The following AGMO variants were observed in gnomAD, a reference collection of about 807,000 sequenced individuals.
The protein encoded by AGMO is alkylglycerol monooxygenase.
A neutral mutation model predicts 60.2 loss-of-function variants in AGMO; 75 were observed. The ratio of observed to expected loss-of-function variants is 1.25; its 90% CI spans 1.03 to 1.51. The LOEUF (loss-of-function observed/expected upper bound fraction) is 1.51. Ranked by LOEUF, AGMO falls within the 40% of genes most tolerant of loss-of-function variation. AGMO has a pLI of 0.00. For synonymous variants in AGMO, 261 were observed against 177.1 expected (o/e 1.47, Z -3.76); for missense variants, 763 against 525.5 (o/e 1.45, Z -4.42).
chr7:15,558,234 T>TA (rs986626819), intron 2 of AGMO, among the ~76,000 whole-genome samples: 47 of 147,000 alleles, frequency 3.2e-4, no homozygotes, highest in East Asian at 5.9e-4. Context: ...CTTTAAAAGG[T>TA]AAAAAAAAAA....
intron 12 of AGMO, among the ~76,000 whole-genome samples, chr7:15,280,477 G>A (rs1354156664): frequency 6.6e-6 from 1 of 152,180 alleles, no homozygotes; most frequent in Non-Finnish European, 1.5e-5. Flanking sequence ...AGGCCTGCCT[G>A]ACCCAGCCCC....
chr7:15,501,995 A>G (rs778239033), intron 3 of AGMO, among the ~76,000 whole-genome samples: 30 of 152,044 alleles, frequency 2.0e-4, no homozygotes, highest in Non-Finnish European at 2.9e-4. Flanking sequence ...GGAAAGAACA[A>G]TTTGGAGGCA....
intron 12 of AGMO, among the ~76,000 whole-genome samples, chr7:15,287,486 AAT>A (rs1480446903): frequency 6.6e-6 from 1 of 152,230 alleles, no homozygotes; most frequent in East Asian, 1.9e-4. Context: ...TGTGAAAATC[AAT>A]AGTTTTGTTC....
At chr7:15,533,115 A>G (rs962254412) in intron 3 of AGMO, among the ~76,000 whole-genome samples, 1 of 152,098 alleles carries the variant, frequency 6.6e-6, no homozygotes, top group African/African-American at 2.4e-5. Context: ...TTTCTGTTTC[A>G]GTTTTTGGTT....
At chr7:15,380,007 C>T (rs1783611594) in intron 10 of AGMO, among the ~76,000 whole-genome samples, 2 of 151,948 alleles carry the variant, frequency 1.3e-5, no homozygotes, top group South Asian at 2.1e-4. Flanking sequence ...AAGGAAATTG[C>T]CTCAAAATAA....
At position 15,430,918 on chromosome 7, in the gene AGMO, G is replaced by GTTTTTTTTTT. The variant is rs71004378; in HGVS notation, c.513+77_513+86dup. On this transcript the variant is annotated intron_variant, in intron 4 of 12. Transcript: ENST00000342526. ...CATTTTAGTAAAACACCTTCTATTA[G>GTTTTTTTTTT]TTTTTTTTTTTTTTTGAGGAAATAG... The GTTTTTTTTTT allele has an allele frequency of 1.2e-4, 49 of 395,474 alleles. 1 individual carries two copies. The highest frequency in any genetic ancestry group is 2.8e-4 in the South Asian group (4 of 14,258). The allele number at this position is 395,474 out of a possible 1,614,324, so 24.5% of individuals were successfully genotyped here.
chr7:15,135,154 A>C, the AGMO span, among the ~76,000 whole-genome samples: 1 of 108,188 alleles, frequency 9.2e-6, no homozygotes, highest in South Asian at 3.7e-4. Flanking sequence ...AAATTTATTT[A>C]TATGAGTTTG....
At chr7:15,490,397 T>C (rs893168865) in intron 3 of AGMO, among the ~76,000 whole-genome samples, 3 of 151,846 alleles carry the variant, frequency 2.0e-5, no homozygotes, top group Non-Finnish European at 2.9e-5. Context: ...TTGCATAAAG[T>C]AGTTCTTTCA....
the AGMO span, among the ~76,000 whole-genome samples, chr7:15,186,646 T>C: frequency 6.6e-6 from 1 of 152,218 alleles, no homozygotes; most frequent in East Asian, 1.9e-4. Flanking sequence ...TTTCATGACA[T>C]TTAAAAATTG....
At chr7:15,518,781 C>T (rs1037996558) in intron 3 of AGMO, among the ~76,000 whole-genome samples, 1 of 151,924 alleles carries the variant, frequency 6.6e-6, no homozygotes, top group African/African-American at 2.4e-5. Flanking sequence ...CACAACTCCT[C>T]GCCAGCAAGG....
chr7:15,169,434 T>A, the AGMO span, among the ~76,000 whole-genome samples: 7 of 152,022 alleles, frequency 4.6e-5, no homozygotes, highest in Non-Finnish European at 7.4e-5. Flanking sequence ...TTTTCTTTTT[T>A]TTCTTTCTTT....
chr7:15,222,943 AT>A (rs5882490), intron 12 of AGMO, among the ~76,000 whole-genome samples: 50,418 of 151,660 alleles, frequency 0.33, 12,417 homozygotes, highest in African/African-American at 0.7. Flanking sequence ...TTAATATACA[AT>A]TTTTCCAAAA....
chr7:15,440,038 G>A (rs1781507343), intron 3 of AGMO, among the ~76,000 whole-genome samples: 1 of 152,196 alleles, frequency 6.6e-6, no homozygotes, highest in South Asian at 2.1e-4. Context: ...ACTCAGGCAA[G>A]TGAAAGAGAA....
At chr7:15,259,028 A>G (rs1783189635) in intron 12 of AGMO, among the ~76,000 whole-genome samples, 1 of 152,162 alleles carries the variant, frequency 6.6e-6, no homozygotes, top group South Asian at 2.1e-4. Flanking sequence ...AGATCATCTC[A>G]GCTCACCAGA....
At chr7:15,560,484 C>G (rs923288396) in intron 1 of AGMO, among the ~76,000 whole-genome samples, 1 of 151,922 alleles carries the variant, frequency 6.6e-6, no homozygotes, top group African/African-American at 2.4e-5. Context: ...ATTCTATCAT[C>G]CAATTTGAAT....
At chr7:15,432,932 A>G (rs919819556) in intron 3 of AGMO, among the ~76,000 whole-genome samples, 3 of 152,108 alleles carry the variant, frequency 2.0e-5, no homozygotes, top group African/African-American at 7.2e-5. Flanking sequence ...AAGAGGTAAT[A>G]AATTTGATGA....
the AGMO span, among the ~76,000 whole-genome samples, chr7:15,182,723 A>C: frequency 6.6e-6 from 1 of 152,102 alleles, no homozygotes; most frequent in Non-Finnish European, 1.5e-5. Flanking sequence ...AGCCTCAACA[A>C]TACACTTTGT....
At chr7:15,326,698 C>G (rs1781348392) in intron 12 of AGMO, among the ~76,000 whole-genome samples, 1 of 152,126 alleles carries the variant, frequency 6.6e-6, no homozygotes, top group South Asian at 2.1e-4. Context: ...ACCATAATAC[C>G]TATGAAATGG....
chr7:15,387,438 G>C lies in AGMO; in HGVS notation c.925C>G (p.Pro309Ala), dbSNP rs1716790998. The stretch of plus-strand genomic sequence containing the variant: ...ATTTCTTCACTGAGACCAAGTCTTG[G>C]TTTACCTGGACCCCATCCCGGTCCC... ...FKGPGWGPGK[P>A]RLGLSEEIPE... Residue 309 changes from proline to alanine, a missense_variant, in exon 9 of 13, where the codon CCA (proline) becomes GCA (alanine). Coordinates refer to ENST00000342526, the MANE Select transcript of AGMO (RefSeq NM_001004320.2). The C allele has an allele frequency of 6.2e-7, 1 of 1,613,942 alleles. No homozygotes were observed. Among genetic ancestry groups the C allele is most frequent in the East Asian group, 2.2e-5 (1 of 44,868 alleles).
Sources: gnomAD v4.1 joint callset for allele counts (sites outside exome capture counted in the v4.1 genomes callset) on GRCh38, gnomAD v4.1.1 for gene constraint, MANE v1.5 for transcripts, NCBI Gene and HGNC (gene_info 2026-07-23, HGNC 2026-07-21) for gene names.